WDR33: variants seen among roughly 807,000 people sequenced by gnomAD.
The protein encoded by WDR33 is pre-mRNA 3' end processing protein WDR33.
A neutral mutation model predicts 164.9 loss-of-function variants in WDR33; 47 were observed. The ratio of observed to expected loss-of-function variants is 0.29; its 90% CI spans 0.23 to 0.36. The LOEUF (loss-of-function observed/expected upper bound fraction) is 0.36, where lower values mean the gene tolerates loss of function less well. WDR33 is among the 10% of genes least tolerant of loss of function. The pLI, the probability that WDR33 is intolerant of heterozygous loss-of-function variation, is 1.00. For missense variants in WDR33, 1,137 were observed against 1,754.1 expected (o/e 0.65, Z 6.28); for synonymous variants, 505 against 589.0 (o/e 0.86, Z 2.06).
intron 1 of WDR33, among the ~76,000 whole-genome samples, chr2:127,781,843 A>C (rs1688380193): frequency 6.6e-6 from 1 of 151,976 alleles, no homozygotes; most frequent in Non-Finnish European, 1.5e-5. Flanking sequence ...TACTAAAAAT[A>C]CAAAATTAAC....
rs1418704942 is a variant in WDR33 at position 127,712,051 on chromosome 2, C to T, written c.3308+1532G>A. On this transcript the variant is annotated intron_variant, in intron 18 of 21. Coordinates refer to ENST00000322313, the MANE Select transcript of WDR33 (RefSeq NM_018383.5). This position sits in a 1 kb window ranked among gnomAD's most constrained non-coding sequence, Gnocchi z 4.0. ...CCTCCCAAAGTGCTGGGATTACAAG[C>T]GTGAGCCACTGTGCCCGGCCTTAAC... Among the ~76,000 whole-genome samples the T allele has an allele frequency of 3.3e-5, 5 of 151,498 alleles. No individual in the cohort carries two copies. The highest frequency in any genetic ancestry group is 6.6e-5 in the Admixed American group (1 of 15,222).
At position 127,709,225 on chromosome 2, in the gene WDR33, C is replaced by T. The variant is rs186982412; in HGVS notation, c.3565+265G>A. ...TTGAGACTGGGGAAATTTTAATTCA[C>T]TTAACTTTATTCTCCAAAAGCAATT... On this transcript the variant is annotated intron_variant, in intron 20 of 21. Transcript: ENST00000322313. The surrounding 1 kb of genome is among the most constrained non-coding windows in gnomAD (Gnocchi z 5.0). Among the ~76,000 whole-genome samples, 24 of 152,328 alleles carry T rather than the reference C, an allele frequency of 1.6e-4. No homozygotes were observed. The highest frequency in any genetic ancestry group is 5.8e-4 in the African/African-American group (24 of 41,564).
At chr2:127,754,119 A>T (rs1316040757) in intron 7 of WDR33, among the ~76,000 whole-genome samples, 1 of 152,214 alleles carries the variant, frequency 6.6e-6, no homozygotes, top group African/African-American at 2.4e-5. Context: ...GATTAGGTGA[A>T]TTTTGAGACT....
Position 127,721,114 on chromosome 2 carries a change from G to T in WDR33, c.1671+722C>A, listed in dbSNP as rs1388112664. 1.3e-5 allele frequency among the ~76,000 whole-genome samples: 2 copies of T among 152,044 alleles called. No individual in the cohort carries two copies. The highest frequency in any genetic ancestry group is 2.9e-5 in the Non-Finnish European group (2 of 68,002). ...ACTAATTCAGTTTTTTTATGTTGTTGTTGTTGTTTTTGAGACAGAGTCTCA... is the reference window on the plus strand; with the variant it reads ...ACTAATTCAGTTTTTTTATGTTGTTTTTGTTGTTTTTGAGACAGAGTCTCA... On this transcript the variant is annotated intron_variant, in intron 15 of 21. Coordinates refer to ENST00000322313, the MANE Select transcript of WDR33 (RefSeq NM_018383.5). The surrounding 1 kb of genome is among the most constrained non-coding windows in gnomAD (Gnocchi z 4.9).
At position 127,722,785 on chromosome 2, in the gene WDR33, G is replaced by A; in HGVS notation, c.1379-55C>T. The A allele has an allele frequency of 6.3e-7, 1 of 1,576,080 alleles. No homozygotes were observed. On this transcript the variant is annotated intron_variant, in intron 13 of 21. Coordinates refer to ENST00000322313, the MANE Select transcript of WDR33 (RefSeq NM_018383.5). The surrounding 1 kb of genome is among the most constrained non-coding windows in gnomAD (Gnocchi z 5.1). ...CTTAAATAAAAGAAATTGGCCACTTGATCAATGAACACATTATTGGAAGAA... is the reference window on the plus strand; with the variant it reads ...CTTAAATAAAAGAAATTGGCCACTTAATCAATGAACACATTATTGGAAGAA...
At position 127,702,070 on chromosome 2, in the gene WDR33, TG is replaced by T; in HGVS notation, c.*4252del. ...GCGGGCGCGCAGGTGGCCGCGCTGCTGGCCGCGCTGGTTGGGCTGCTGCCCT... is the reference window on the plus strand; with the variant it reads ...GCGGGCGCGCAGGTGGCCGCGCTGCTGCCGCGCTGGTTGGGCTGCTGCCCT... On this transcript the variant is annotated 3_prime_UTR_variant, in exon 22 of 22. Transcript: ENST00000322313. 1 of 1,222,310 alleles carries T rather than the reference TG, an allele frequency of 8.2e-7. No homozygotes were observed. Among genetic ancestry groups the T allele is most frequent in the South Asian group, 3.5e-5 (1 of 28,502 alleles). The allele number at this position is 1,222,310 out of a possible 1,614,324, so 75.7% of individuals were successfully genotyped here.
At position 127,770,520 on chromosome 2, in the gene WDR33, G is replaced by A. The variant is rs1305450238; in HGVS notation, c.204+258C>T. On this transcript the variant is annotated intron_variant, in intron 2 of 21. Coordinates refer to ENST00000322313, the MANE Select transcript of WDR33 (RefSeq NM_018383.5). This position sits in a 1 kb window ranked among gnomAD's most constrained non-coding sequence, Gnocchi z 4.9. ...GCCTGGCCAACATGGTTGAAATTAC[G>A]TCTCTACTAAAACTACAAAAATTAG... Among the ~76,000 whole-genome samples, 6 of 151,944 alleles carry A rather than the reference G, an allele frequency of 3.9e-5. No individual in the cohort carries two copies. The highest frequency in any genetic ancestry group is 6.6e-5 in the Admixed American group (1 of 15,242).
chr2:127,725,128 T>C lies in WDR33; in HGVS notation c.939A>G (p.Lys313=), dbSNP rs145855940. 1.2e-5 allele frequency: 19 copies of C among 1,613,924 alleles called. No homozygotes were observed. The African/African-American group carries it at 2.5e-4, about 22-fold the overall frequency. Residue 313 remains lysine, a synonymous_variant, in exon 9 of 22, where the codon AAA becomes AAG. Coordinates refer to ENST00000322313, the MANE Select transcript of WDR33 (RefSeq NM_018383.5). Reference sequence around the variant, plus strand: ...CTTTTAGGTTTCTGATATCAAAAAGTTTACAGAGATGATCACGTGATGCTG... The same window carrying C: ...CTTTTAGGTTTCTGATATCAAAAAGCTTACAGAGATGATCACGTGATGCTG... The part of the protein sequence containing the change: ...LLTASRDHLC[K]LFDIRNLKEE...
chr2:127,712,171 T>A lies in WDR33; in HGVS notation c.3308+1412A>T, dbSNP rs1686197300. Among the ~76,000 whole-genome samples the A allele has an allele frequency of 6.6e-6, 1 of 151,702 alleles. No individual in the cohort carries two copies. Among genetic ancestry groups the A allele is most frequent in the African/African-American group, 2.4e-5 (1 of 41,302 alleles). ...TGCACTCTGGGGGGGCTGAAGAACGTGGATCACTTGAGGTCAGGAGTTCAA... is the reference window on the plus strand; with the variant it reads ...TGCACTCTGGGGGGGCTGAAGAACGAGGATCACTTGAGGTCAGGAGTTCAA... On this transcript the variant is annotated intron_variant, in intron 18 of 21. Coordinates refer to ENST00000322313, the MANE Select transcript of WDR33 (RefSeq NM_018383.5). The surrounding 1 kb of genome is among the most constrained non-coding windows in gnomAD (Gnocchi z 4.0).
Position 127,709,039 on chromosome 2 carries a change from A to G in WDR33, c.3566-147T>C. On this transcript the variant is annotated intron_variant, in intron 20 of 21. Coordinates refer to ENST00000322313, the MANE Select transcript of WDR33 (RefSeq NM_018383.5). This position sits in a 1 kb window ranked among gnomAD's most constrained non-coding sequence, Gnocchi z 5.0. ...AGAGGCCAAAGGGTAAGCCACCCAG[A>G]CATCAGGGTGCCTCCTCATGTAAGA... is the stretch of plus-strand genomic sequence containing the variant. 2 of 781,748 alleles carry G rather than the reference A, an allele frequency of 2.6e-6. No individual in the cohort carries two copies. Among genetic ancestry groups the G allele is most frequent in the Non-Finnish European group, 3.8e-6 (2 of 527,370 alleles). The allele number at this position is 781,748 out of a possible 1,614,324, so 48.4% of individuals were successfully genotyped here. A position where few individuals can be genotyped will look rare whatever the true frequency, so the allele number is the denominator to read the frequency against.
intron 7 of WDR33, among the ~76,000 whole-genome samples, chr2:127,753,021 G>A (rs182841377): frequency 6.6e-6 from 1 of 152,150 alleles, no homozygotes; most frequent in African/African-American, 2.4e-5. Context: ...CTGCCTCCTG[G>A]GTTCAAGCAA....
chr2:127,757,615 G>C (rs1183759485), intron 7 of WDR33, among the ~76,000 whole-genome samples: 1 of 152,102 alleles, frequency 6.6e-6, no homozygotes, highest in Non-Finnish European at 1.5e-5. Flanking sequence ...TCAACGTAAG[G>C]AATTATTCTG....
chr2:127,759,465 T>C (rs768647205), intron 7 of WDR33, among the ~76,000 whole-genome samples: 26 of 151,160 alleles, frequency 1.7e-4, no homozygotes, highest in Non-Finnish European at 3.0e-4. Flanking sequence ...CCGAGGAGCA[T>C]GGATCACGTG....
At chr2:127,796,600 A>ACTCT (rs145152218) in intron 1 of WDR33, among the ~76,000 whole-genome samples, 1 of 149,792 alleles carries the variant, frequency 6.7e-6, no homozygotes, top group Non-Finnish European at 1.5e-5. Flanking sequence ...ACATACACAT[A>ACTCT]CTCTCTCTCT....
Position 127,735,802 on chromosome 2 carries a change from G to C in WDR33, c.725-9025C>G, listed in dbSNP as rs1025318886. On this transcript the variant is annotated intron_variant, in intron 7 of 21. Coordinates refer to ENST00000322313, the MANE Select transcript of WDR33 (RefSeq NM_018383.5). This position sits in a 1 kb window ranked among gnomAD's most constrained non-coding sequence, Gnocchi z 4.3. ...TGGTCAAGGAATATGCAATTTATTA[G>C]TATTTTACCTTCCTTTAATGCAAAA... The C allele has an allele frequency of 1.0e-6, 1 of 985,276 alleles. No individual in the cohort carries two copies. The highest frequency in any genetic ancestry group is 1.7e-5 in the African/African-American group (1 of 57,238). 61.0% of individuals were successfully genotyped at this position (985,276 alleles called of 1,614,324 possible). A position where few individuals can be genotyped will look rare whatever the true frequency, so the allele number is the denominator to read the frequency against.
chr2:127,738,028 A>G lies in WDR33; in HGVS notation c.725-11251T>C, dbSNP rs752323002. 48 of 1,613,088 alleles carry G rather than the reference A, an allele frequency of 3.0e-5. No homozygotes were observed. Among genetic ancestry groups the G allele is most frequent in the Non-Finnish European group, 3.6e-5 (43 of 1,179,606 alleles). On this transcript the variant is annotated intron_variant, in intron 7 of 21. Transcript: ENST00000322313. This position sits in a 1 kb window ranked among gnomAD's most constrained non-coding sequence, Gnocchi z 4.4. ...ATTCACCTCTTGACAGAAAGGAAGT[A>G]ACAACGGCAGTGATGAAAACATGTA...
chr2:127,758,348 T>C (rs532098041), intron 7 of WDR33, among the ~76,000 whole-genome samples: 1 of 152,308 alleles, frequency 6.6e-6, no homozygotes, highest in South Asian at 2.1e-4. Flanking sequence ...AGCATGAATA[T>C]TGGAGCCAAA....
chr2:127,776,566 G>A (rs187820187), intron 1 of WDR33, among the ~76,000 whole-genome samples: 3 of 152,056 alleles, frequency 2.0e-5, no homozygotes, highest in Admixed American at 6.6e-5. Flanking sequence ...AAAATTAGCC[G>A]GGCCTGGTGG....
rs1463305483 is a variant in WDR33 at position 127,714,404 on chromosome 2, CAG to C, written c.2870-385_2870-384del. 1.3e-5 allele frequency among the ~76,000 whole-genome samples: 2 copies of C among 152,224 alleles called. No individual in the cohort carries two copies. The highest frequency in any genetic ancestry group is 3.8e-4 in the East Asian group (2 of 5,198). Reference sequence around the variant, plus strand: ...TGCTCCACATCCAAGGAGGACACAACAGAGGAAATTAATGCTGCAGGCCAGGA... The same window carrying C: ...TGCTCCACATCCAAGGAGGACACAACAGGAAATTAATGCTGCAGGCCAGGA... On this transcript the variant is annotated intron_variant, in intron 17 of 21. Transcript: ENST00000322313. The surrounding 1 kb of genome is among the most constrained non-coding windows in gnomAD (Gnocchi z 4.3).
Sources: gnomAD v4.1 joint callset for allele counts (sites outside exome capture counted in the v4.1 genomes callset) on GRCh38, gnomAD v4.1.1 for gene constraint, Gnocchi (gnomAD v3.1) non-coding constraint, MANE v1.5 for transcripts, NCBI Gene and HGNC (gene_info 2026-07-23, HGNC 2026-07-21) for gene names.